The following RGPD8 variants were observed in gnomAD, a reference collection of about 807,000 sequenced individuals.
The protein encoded by RGPD8 is RANBP2 like and GRIP domain containing 8.
In RGPD8, 15 loss-of-function variants were observed where a neutral mutation model predicts 89.1. The ratio of observed to expected loss-of-function variants is 0.17; its 90% CI spans 0.11 to 0.26. The LOEUF (loss-of-function observed/expected upper bound fraction) is 0.26, where lower values mean the gene tolerates loss of function less well. Ranked by LOEUF, RGPD8 falls within the 10% of genes least tolerant of loss-of-function variation. The pLI is 1.00. For missense variants in RGPD8, 178 were observed against 1,179.6 expected (o/e 0.15, Z 12.44); for synonymous variants, 62 against 420.9 (o/e 0.15, Z 10.44).
At chr2:112,430,057 G>A (rs552180262) in intron 1 of RGPD8, among the ~76,000 whole-genome samples, 3 of 152,266 alleles carry the variant, frequency 2.0e-5, no homozygotes, top group African/African-American at 4.8e-5. Flanking sequence ...GATTACAGAC[G>A]AAGAATATTT....
chr2:112,428,142 C>T (rs1201161712), intron 1 of RGPD8, among the ~76,000 whole-genome samples: 1 of 152,400 alleles, frequency 6.6e-6, no homozygotes, highest in Admixed American at 6.5e-5. Flanking sequence ...TGGAGCAATG[C>T]TTTCAAAATT....
chr2:112,432,819 G>C (rs570721888), intron 1 of RGPD8, among the ~76,000 whole-genome samples: 1 of 152,300 alleles, frequency 6.6e-6, no homozygotes, highest in East Asian at 1.9e-4. Flanking sequence ...CGCCCGCCGC[G>C]GTCCCCCCAG....
chr2:112,377,281 T>A lies in RGPD8; in HGVS notation c.5263+772A>T, dbSNP rs1388699221. ...GAAACCAACTCTAACTACATCATAG[T>A]TTTTTTTTTTTTTTTTTTTGAGATG... On this transcript the variant is annotated intron_variant, in intron 22 of 22. Coordinates refer to ENST00000302558, the MANE Select transcript of RGPD8 (RefSeq NM_001164463.1). Among the ~76,000 whole-genome samples, 12 of 40,344 alleles carry A rather than the reference T, an allele frequency of 3.0e-4. 3 individuals are homozygous for A. Among genetic ancestry groups the A allele is most frequent in the African/African-American group, 1.7e-3 (5 of 2,864 alleles). 26.5% of individuals were successfully genotyped at this position (40,344 alleles called of 152,430 possible).
At position 112,433,298 on chromosome 2, in the gene RGPD8, C is replaced by A; in HGVS notation, c.72+84G>T. ...GCCCGTCGGGAGCCATGACCCCTGA[C>A]CCATCGAGGCCGCCGCCGGGCCGGG... On this transcript the variant is annotated intron_variant, in intron 1 of 22. Coordinates refer to ENST00000302558, the MANE Select transcript of RGPD8 (RefSeq NM_001164463.1). The A allele has an allele frequency of 6.2e-6, 9 of 1,455,520 alleles. No homozygotes were observed. The South Asian group carries it at 8.1e-5, about 13-fold the overall frequency. 90.2% of individuals were successfully genotyped at this position (1,455,520 alleles called of 1,614,324 possible).
rs184201559 is a variant in RGPD8 at position 112,433,371 on chromosome 2, G to T, written c.72+11C>A. The stretch of plus-strand genomic sequence containing the variant: ...GGGTCGAGGCCGCCGCTCTCTTCCA[G>T]ACCCACTCACCTGTCGAGGCGACGG... On this transcript the variant is annotated intron_variant, in intron 1 of 22. Coordinates refer to ENST00000302558, the MANE Select transcript of RGPD8 (RefSeq NM_001164463.1). The T allele has an allele frequency of 4.8e-3, 7,695 of 1,609,932 alleles. 219 individuals carry two copies. The African/African-American group carries it at 0.076, about 16-fold the overall frequency.
chr2:112,433,256 G>A, intron 1 of RGPD8, 126 bp downstream of exon 1: 2 of 976,314 alleles, frequency 2.0e-6, no homozygotes, highest in Non-Finnish European at 2.8e-6. Flanking sequence ...CCTCAACAGA[G>A]CGCGCCAGGG....
At chr2:112,408,595 A>C (rs1238093344) in intron 7 of RGPD8, among the ~76,000 whole-genome samples, 68 of 151,056 alleles carry the variant, frequency 4.5e-4, no homozygotes, top group African/African-American at 1.7e-3. Context: ...TCTTTTACAA[A>C]ATTATTCAAC....
At chr2:112,413,604 A>G (rs1305616686) in intron 6 of RGPD8, among the ~76,000 whole-genome samples, 1 of 134,180 alleles carries the variant, frequency 7.5e-6, no homozygotes, top group East Asian at 1.9e-4. Flanking sequence ...GGTGCTCAAA[A>G]ACCCCTTCAG....
At chr2:112,416,355 T>G (rs1188304231) in intron 6 of RGPD8, among the ~76,000 whole-genome samples, 59 of 151,008 alleles carry the variant, frequency 3.9e-4, no homozygotes, top group Non-Finnish European at 7.3e-4. Context: ...TGAAATGAAC[T>G]TCTTTCCTTA....
At chr2:112,423,579 C>G (rs1679629662) in intron 2 of RGPD8, among the ~76,000 whole-genome samples, 1 of 133,652 alleles carries the variant, frequency 7.5e-6, no homozygotes, top group Admixed American at 7.7e-5. Flanking sequence ...TGGTGCGCAT[C>G]TGTATCCCCA....
Position 112,390,154 on chromosome 2 carries a change from T to A in RGPD8, c.2791A>T (p.Asn931Tyr), listed in dbSNP as rs1269530420. Residue 931 changes from asparagine to tyrosine, a missense_variant, in exon 20 of 23, where the codon AAT becomes TAT. Physicochemically the swap from Asn to Tyr is moderately radical, Grantham distance 143 (BLOSUM62 -2). Coordinates refer to ENST00000302558, the MANE Select transcript of RGPD8 (RefSeq NM_001164463.1). ...GFKFGISEPG[N>Y]QEKKREKPLE... is the part of the protein sequence containing the mutation. Reference sequence around the variant, plus strand: ...GGCTTTTCCCTTTTCTTTTCTTGATTTCCTGGTTCCGAAATGCCAAATTTA... The same window carrying A: ...GGCTTTTCCCTTTTCTTTTCTTGATATCCTGGTTCCGAAATGCCAAATTTA... The A allele has an allele frequency of 1.2e-6, 2 of 1,601,410 alleles. No individual in the cohort carries two copies. Among genetic ancestry groups the A allele is most frequent in the African/African-American group, 2.8e-5 (2 of 72,532 alleles).
chr2:112,432,443 G>C (rs947695722), intron 1 of RGPD8: 1 of 982,044 alleles, frequency 1.0e-6, no homozygotes, highest in Non-Finnish European at 1.2e-6. Context: ...AAGGGACAGC[G>C]ACAAACACCT....
At chr2:112,430,508 G>T (rs1423556254) in intron 1 of RGPD8, among the ~76,000 whole-genome samples, 22 of 152,140 alleles carry the variant, frequency 1.4e-4, no homozygotes, top group Non-Finnish European at 2.8e-4. Flanking sequence ...TCGTCAAAAT[G>T]TTGCTACCAC....
intron 21 of RGPD8, among the ~76,000 whole-genome samples, chr2:112,380,450 G>A (rs547231419): frequency 1.1e-4 from 15 of 140,562 alleles, no homozygotes; most frequent in Non-Finnish European, 2.2e-4. Flanking sequence ...TCAGGAGATC[G>A]AGACCATCCT....
chr2:112,391,240 C>T (rs2104786161), intron 18 of RGPD8, among the ~76,000 whole-genome samples, 171 bp from the exon 19 acceptor site: 1 of 149,946 alleles, frequency 6.7e-6, no homozygotes, highest in Non-Finnish European at 1.5e-5. Context: ...TATCAAATGA[C>T]AAACTAGAAA....
chr2:112,376,157 C>CAA (rs1196090031), intron 22 of RGPD8, among the ~76,000 whole-genome samples: 3 of 101,000 alleles, frequency 3.0e-5, no homozygotes, highest in African/African-American at 1.0e-4. Context: ...CCAGATGATT[C>CAA]AGATGCCTGC....
chr2:112,416,246 A>G lies in RGPD8; in HGVS notation c.782+947T>C, dbSNP rs1416554340. ...AACATCCTACATGTTTTCTAAAATAATCTTAAAGTTATGTTAGTTCTTTTA... is the reference window on the plus strand; with the variant it reads ...AACATCCTACATGTTTTCTAAAATAGTCTTAAAGTTATGTTAGTTCTTTTA... On this transcript the variant is annotated intron_variant, in intron 6 of 22. Transcript: ENST00000302558. 2.6e-5 allele frequency among the ~76,000 whole-genome samples: 4 copies of G among 152,380 alleles called. No individual in the cohort carries two copies. The South Asian group carries it at 6.2e-4, about 24-fold the overall frequency.
At chr2:112,416,088 C>CAAAAA (rs1168507298) in intron 6 of RGPD8, among the ~76,000 whole-genome samples, 181 of 88,898 alleles carry the variant, frequency 2.0e-3, no homozygotes, top group East Asian at 2.5e-3. Context: ...GACTCCATCT[C>CAAAAA]AAAAAAAAAA....
At position 112,433,582 on chromosome 2, in the gene RGPD8, G is replaced by T. The variant is rs915277799; in HGVS notation, c.-129C>A. On this transcript the variant is annotated 5_prime_UTR_variant, in exon 1 of 23. Coordinates refer to ENST00000302558, the MANE Select transcript of RGPD8 (RefSeq NM_001164463.1). Reference sequence around the variant, plus strand: ...GTAGCCGGCGGAGGCCCACTGTGACGAGCGTGCGGCGCCGCCCACGGAGGC... The same window carrying T: ...GTAGCCGGCGGAGGCCCACTGTGACTAGCGTGCGGCGCCGCCCACGGAGGC... 8.9e-6 allele frequency: 9 copies of T among 1,015,136 alleles called. No individual in the cohort carries two copies. The South Asian group carries it at 1.1e-4, about 13-fold the overall frequency. 62.9% of individuals were successfully genotyped at this position (1,015,136 alleles called of 1,614,324 possible).
Sources: allele counts gnomAD v4.1 joint callset (sites outside exome capture counted in the v4.1 genomes callset), GRCh38; gene constraint gnomAD v4.1.1; transcripts MANE v1.5; gene names NCBI Gene and HGNC (gene_info 2026-07-23, HGNC 2026-07-21).